The following HPSE2 variants were observed in gnomAD, a reference collection of about 807,000 sequenced individuals.
The protein encoded by HPSE2 is heparanase 2 (inactive).
In HPSE2, 38 loss-of-function variants were observed where a neutral mutation model predicts 60.5. The ratio of observed to expected loss-of-function variants is 0.63; its 90% CI spans 0.48 to 0.82. The LOEUF is 0.82. Ranked by LOEUF, HPSE2 falls within the 40% of genes least tolerant of loss-of-function variation. The pLI is 0.00. For missense variants in HPSE2, 713 were observed against 740.4 expected (o/e 0.96, Z 0.43); for synonymous variants, 295 against 293.2 (o/e 1.01, Z -0.06).
At chr10:99,138,259 A>G (rs1017672867) in intron 3 of HPSE2, among the ~76,000 whole-genome samples, 1 of 152,132 alleles carries the variant, frequency 6.6e-6, no homozygotes, top group African/African-American at 2.4e-5. Flanking sequence ...TGGAGAGAAT[A>G]TGGAGAAATA....
intron 4 of HPSE2, among the ~76,000 whole-genome samples, chr10:98,727,059 ACTTGT>A (rs140970690): frequency 0.013 from 2,046 of 152,260 alleles, 40 homozygotes; most frequent in African/African-American, 0.046. Context: ...CCCCCAGGAG[ACTTGT>A]CTTAACAATT....
At chr10:98,737,927 T>C (rs1219330840) in intron 4 of HPSE2, among the ~76,000 whole-genome samples, 2 of 152,226 alleles carry the variant, frequency 1.3e-5, no homozygotes, top group East Asian at 3.9e-4. Flanking sequence ...TTCAATGCTA[T>C]GCTCATCAAG....
chr10:98,575,379 G>T (rs1442821843), intron 9 of HPSE2, among the ~76,000 whole-genome samples: 2 of 152,148 alleles, frequency 1.3e-5, no homozygotes, highest in African/African-American at 4.8e-5. Context: ...AGCCAAGTTG[G>T]AATGTCACAA....
At chr10:98,660,536 C>T (rs1386129316) in intron 6 of HPSE2, among the ~76,000 whole-genome samples, 1 of 152,160 alleles carries the variant, frequency 6.6e-6, no homozygotes, top group Non-Finnish European at 1.5e-5. Context: ...CCTGGCATGC[C>T]ATAGCCTCTC....
At chr10:99,082,128 A>T (rs1843165889) in intron 3 of HPSE2, among the ~76,000 whole-genome samples, 1 of 152,178 alleles carries the variant, frequency 6.6e-6, no homozygotes, top group Non-Finnish European at 1.5e-5. Flanking sequence ...GCTGCACACG[A>T]ATTTATAAAG....
intron 3 of HPSE2, among the ~76,000 whole-genome samples, chr10:99,132,207 G>C (rs58019380): frequency 6.0e-5 from 1 of 16,644 alleles, no homozygotes; most frequent in African/African-American, 1.0e-4. Context: ...GAGAGAGAGA[G>C]AGAGAGAGAG....
chr10:98,475,556 G>A (rs1339068581), intron 11 of HPSE2, among the ~76,000 whole-genome samples: 4 of 149,666 alleles, frequency 2.7e-5, no homozygotes, highest in Admixed American at 1.3e-4. Context: ...GTTTCCTTGG[G>A]AAGCCTCCCT....
At chr10:98,849,407 A>G (rs1952114031) in intron 3 of HPSE2, among the ~76,000 whole-genome samples, 1 of 152,246 alleles carries the variant, frequency 6.6e-6, no homozygotes, top group South Asian at 2.1e-4. Context: ...CACCATCATT[A>G]AACAGAATCA....
intron 2 of HPSE2, among the ~76,000 whole-genome samples, chr10:99,186,542 C>CAAAAAAAA (rs60186369): frequency 5.2e-4 from 31 of 59,482 alleles, no homozygotes; most frequent in Non-Finnish European, 7.5e-4. Context: ...GACTCCATCT[C>CAAAAAAAA]AAAAAAAAAA....
chr10:98,824,532 T>A (rs1951498297), intron 3 of HPSE2, among the ~76,000 whole-genome samples: 1 of 152,222 alleles, frequency 6.6e-6, no homozygotes, highest in Admixed American at 6.5e-5. Context: ...GTTAAGAAAG[T>A]GTCACTCAAT....
chr10:99,248,879 C>T, the HPSE2 span, among the ~76,000 whole-genome samples: 4 of 152,238 alleles, frequency 2.6e-5, no homozygotes, highest in Non-Finnish European at 4.4e-5. Context: ...TCTCAGACTC[C>T]TATTCCAGAG....
chr10:98,650,572 G>A (rs1010677567), intron 6 of HPSE2, among the ~76,000 whole-genome samples: 1 of 152,196 alleles, frequency 6.6e-6, no homozygotes, highest in African/African-American at 2.4e-5. Context: ...CCAGTGATTG[G>A]TTGAATAATA....
chr10:98,608,523 A>G (rs778338166), intron 9 of HPSE2, among the ~76,000 whole-genome samples: 1 of 152,230 alleles, frequency 6.6e-6, no homozygotes, highest in Non-Finnish European at 1.5e-5. Flanking sequence ...TGCAGAGCAC[A>G]GGCTCTGATT....
chr10:98,983,143 A>G (rs1356707616), intron 3 of HPSE2, among the ~76,000 whole-genome samples: 1 of 152,124 alleles, frequency 6.6e-6, no homozygotes, highest in African/African-American at 2.4e-5. Flanking sequence ...AAGGCAGGGG[A>G]TGGTTGCGGC....
chr10:99,258,642 C>A, the HPSE2 span, among the ~76,000 whole-genome samples: 1 of 152,096 alleles, frequency 6.6e-6, no homozygotes, highest in Non-Finnish European at 1.5e-5. Context: ...TATAAAGCTA[C>A]AGTAATCAAG....
At chr10:99,259,514 CA>C in the HPSE2 span, among the ~76,000 whole-genome samples, 4 of 151,932 alleles carry the variant, frequency 2.6e-5, no homozygotes, top group Non-Finnish European at 5.9e-5. Flanking sequence ...ACATGAATCA[CA>C]AAAAATTGCA....
At chr10:99,160,065 T>C (rs1033910580) in intron 2 of HPSE2, among the ~76,000 whole-genome samples, 8 of 150,714 alleles carry the variant, frequency 5.3e-5, no homozygotes, top group African/African-American at 1.7e-4. Context: ...CACTTGAACC[T>C]GGGAGGCGAA....
rs78193879 is a variant in HPSE2 at position 98,921,051 on chromosome 10, T to A, written c.611-176995A>T. 8.6e-3 allele frequency among the ~76,000 whole-genome samples: 1,308 copies of A among 152,298 alleles called. 15 individuals carry two copies. Among genetic ancestry groups the A allele is most frequent in the African/African-American group, 0.03 (1,254 of 41,572 alleles). On this transcript the variant is annotated intron_variant, in intron 3 of 11. Transcript: ENST00000370552. Reference sequence around the variant, plus strand: ...CTCTGTACTCCTACACACTTGCATCTAAATCCTGGTTCTACTAGGTGCTCA... The same window carrying A: ...CTCTGTACTCCTACACACTTGCATCAAAATCCTGGTTCTACTAGGTGCTCA...
chr10:98,853,490 CCTT>C (rs1952231994), intron 3 of HPSE2, among the ~76,000 whole-genome samples: 1 of 152,076 alleles, frequency 6.6e-6, no homozygotes. Flanking sequence ...TTTTTTCTCT[CCTT>C]TTTTATCTTG....
Sources: allele counts gnomAD v4.1 joint callset (sites outside exome capture counted in the v4.1 genomes callset), GRCh38; gene constraint gnomAD v4.1.1; transcripts MANE v1.5; gene names NCBI Gene and HGNC (gene_info 2026-07-23, HGNC 2026-07-21).